PAG1: variants seen among roughly 807,000 people sequenced by gnomAD.
The protein encoded by PAG1 is phosphoprotein associated with glycosphingolipid-enriched microdomains 1.
PAG1 carries 23 observed loss-of-function variants against 31.7 expected under a neutral mutation model. The observed-to-expected ratio is 0.73, with a 90% CI of 0.52 to 1.03. The LOEUF (loss-of-function observed/expected upper bound fraction) is 1.03, where lower values mean the gene tolerates loss of function less well. PAG1 is among the 50% of genes least tolerant of loss of function. The pLI, the probability that PAG1 is intolerant of heterozygous loss-of-function variation, is 0.00. For synonymous variants in PAG1, 214 were observed against 210.3 expected (o/e 1.02, Z -0.15); for missense variants, 473 against 540.7 (o/e 0.87, Z 1.24).
intron 3 of PAG1, among the ~76,000 whole-genome samples, chr8:81,009,614 TCCATTG>T (rs928099720): frequency 6.6e-6 from 1 of 152,070 alleles, no homozygotes; most frequent in African/African-American, 2.4e-5. Context: ...ACCCTGGCTA[TCCATTG>T]CCAACTTTTT....
chr8:81,037,666 A>G (rs1172600974), intron 2 of PAG1, among the ~76,000 whole-genome samples: 1 of 152,236 alleles, frequency 6.6e-6, no homozygotes, highest in Non-Finnish European at 1.5e-5. Context: ...TGACTCCTCT[A>G]ATTATTAGCT....
chr8:80,999,978 G>A (rs185347182), intron 3 of PAG1, among the ~76,000 whole-genome samples: 3 of 152,260 alleles, frequency 2.0e-5, no homozygotes, highest in Admixed American at 1.3e-4. Context: ...CATGCACTCT[G>A]ACAGAACCCT....
rs962489301 is a variant in PAG1, at chr8:81,041,195, A to AT, written c.-174-11107dup. 1.6e-3 allele frequency among the ~76,000 whole-genome samples: 239 copies of AT among 147,230 alleles called. 1 individual carries two copies. The highest frequency in any genetic ancestry group is 2.4e-3 in the Non-Finnish European group (161 of 66,290). On this transcript the variant is annotated intron_variant, in intron 2 of 8. Transcript: ENST00000220597. Reference sequence around the variant, plus strand: ...AGCAGCCTCCACCCTGTGGAATCACATTTTTTTTTTTGTCTGTCATCAACA... The same window carrying AT: ...AGCAGCCTCCACCCTGTGGAATCACATTTTTTTTTTTTGTCTGTCATCAACA...
chr8:80,976,270 T>C lies in PAG1; in HGVS notation c.*274A>G, dbSNP rs1311666210. 2.6e-6 allele frequency: 1 copy of C among 380,882 alleles called. No homozygotes were observed. Among genetic ancestry groups the C allele is most frequent in the African/African-American group, 2.1e-5 (1 of 48,126 alleles). 23.6% of individuals were successfully genotyped at this position (380,882 alleles called of 1,614,324 possible). On this transcript the variant is annotated 3_prime_UTR_variant, in exon 9 of 9. Coordinates refer to ENST00000220597, the MANE Select transcript of PAG1 (RefSeq NM_018440.4). Reference sequence around the variant, plus strand: ...CTAATGAGATGAGACCACTGACAGCTGGGATCTTTTGTGGGTGGTGAGGGT... The same window carrying C: ...CTAATGAGATGAGACCACTGACAGCCGGGATCTTTTGTGGGTGGTGAGGGT...
intron 3 of PAG1, among the ~76,000 whole-genome samples, chr8:81,011,192 A>G (rs577070743): frequency 1.8e-4 from 27 of 152,204 alleles, no homozygotes; most frequent in Non-Finnish European, 2.4e-4. Context: ...CTTTGCAGCT[A>G]TAACTAAGGC....
At chr8:80,999,397 A>G (rs1174985015) in intron 3 of PAG1, among the ~76,000 whole-genome samples, 1 of 152,210 alleles carries the variant, frequency 6.6e-6, no homozygotes, top group African/African-American at 2.4e-5. Flanking sequence ...TTTCTTGTTT[A>G]TAGATTCCTG....
intron 3 of PAG1, among the ~76,000 whole-genome samples, chr8:81,003,064 T>C (rs905318253): frequency 2.0e-5 from 3 of 152,190 alleles, no homozygotes; most frequent in Admixed American, 6.5e-5. Flanking sequence ...TAGCAGCACC[T>C]GGGAACTTGT....
chr8:81,036,334 A>G (rs1300017316), intron 2 of PAG1, among the ~76,000 whole-genome samples: 1 of 152,188 alleles, frequency 6.6e-6, no homozygotes, highest in African/African-American at 2.4e-5. Context: ...CTAATTACAC[A>G]CATTCCTTAT....
intron 2 of PAG1, among the ~76,000 whole-genome samples, chr8:81,065,091 G>C (rs917472172): frequency 1.2e-4 from 19 of 152,234 alleles, no homozygotes; most frequent in African/African-American, 2.9e-4. Context: ...GCTGCTCTTG[G>C]GGGGAGGCGC....
At chr8:81,109,002 T>C (rs190932280) in intron 1 of PAG1, among the ~76,000 whole-genome samples, 236 of 150,604 alleles carry the variant, frequency 1.6e-3, no homozygotes, top group African/African-American at 5.5e-3. Flanking sequence ...CTGTGTAGAT[T>C]GCTGCAGCTA....
In PAG1 at chr8:80,969,413, G is replaced by A. The variant is rs1807030505; in HGVS notation, c.*7131C>T. The A allele has an allele frequency of 6.6e-6, 1 of 151,996 alleles. No individual in the cohort carries two copies. The highest frequency in any genetic ancestry group is 1.5e-5 in the Non-Finnish European group (1 of 68,010). The allele number at this position is 151,996 out of a possible 1,614,324, so 9.4% of individuals were successfully genotyped here. On this transcript the variant is annotated 3_prime_UTR_variant, in exon 9 of 9. Transcript: ENST00000220597. ...CAGAGAAGGGCACTGCTGTCTTTCA[G>A]GGAAGCCTTCACTACCTAAATGAGG...
chr8:81,018,203 C>G (rs1333977464), intron 3 of PAG1, among the ~76,000 whole-genome samples: 1 of 152,106 alleles, frequency 6.6e-6, no homozygotes, highest in Non-Finnish European at 1.5e-5. Flanking sequence ...AATTAAATAC[C>G]ACATAACATT....
Position 80,972,131 on chromosome 8 carries a change from C to T in PAG1, c.*4413G>A, listed in dbSNP as rs879192087. ...CACATGTTCCTATTTTCACATCAGT[C>T]ATTTATTAACACCAAACATTATACT... On this transcript the variant is annotated 3_prime_UTR_variant, in exon 9 of 9. Coordinates refer to ENST00000220597, the MANE Select transcript of PAG1 (RefSeq NM_018440.4). The T allele has an allele frequency of 6.6e-6, 1 of 152,190 alleles. No individual in the cohort carries two copies. Among genetic ancestry groups the T allele is most frequent in the South Asian group, 2.1e-4 (1 of 4,830 alleles). 9.4% of individuals were successfully genotyped at this position (152,190 alleles called of 1,614,324 possible).
At chr8:81,092,164 G>A (rs1489219768) in intron 1 of PAG1, among the ~76,000 whole-genome samples, 2 of 121,446 alleles carry the variant, frequency 1.6e-5, no homozygotes, top group Admixed American at 1.0e-4. Flanking sequence ...ACCAGCCTGA[G>A]CAACATGGCA....
At chr8:81,007,636 C>CAAAAAAAAAAAAAAAAAAAA (rs58612249) in intron 3 of PAG1, among the ~76,000 whole-genome samples, 1 of 49,720 alleles carries the variant, frequency 2.0e-5, no homozygotes, top group Non-Finnish European at 3.3e-5. Flanking sequence ...GACTCTGTCT[C>CAAAAAAAAAAAAAAAAAAAA]AAAAAAAAAA....
At chr8:81,043,625 T>C (rs1245025133) in intron 2 of PAG1, among the ~76,000 whole-genome samples, 2 of 152,224 alleles carry the variant, frequency 1.3e-5, no homozygotes, top group African/African-American at 2.4e-5. Flanking sequence ...AGATTATTTT[T>C]GGTTTTCCTC....
intron 2 of PAG1, among the ~76,000 whole-genome samples, chr8:81,035,894 T>C (rs1268481654): frequency 6.6e-6 from 1 of 151,276 alleles, no homozygotes; most frequent in Non-Finnish European, 1.5e-5. Flanking sequence ...TATATATGTA[T>C]TAACATATAT....
intron 3 of PAG1, among the ~76,000 whole-genome samples, chr8:81,003,912 G>A (rs1436110890): frequency 2.6e-5 from 4 of 152,218 alleles, no homozygotes; most frequent in African/African-American, 9.7e-5. Context: ...ATGTCAGGAA[G>A]AGAAGCCATG....
At chr8:81,054,631 C>T (rs751096508) in intron 2 of PAG1, among the ~76,000 whole-genome samples, 50 of 151,636 alleles carry the variant, frequency 3.3e-4, no homozygotes, top group Middle Eastern at 3.2e-3. Context: ...AGCCAAGGTG[C>T]GCCACTGCAC....
Sources: allele counts gnomAD v4.1 joint callset (sites outside exome capture counted in the v4.1 genomes callset), GRCh38; gene constraint gnomAD v4.1.1; transcripts MANE v1.5; gene names NCBI Gene and HGNC (gene_info 2026-07-23, HGNC 2026-07-21).